The following ZYG11A variants were observed in gnomAD, a reference collection of about 807,000 sequenced individuals.
ZYG11A encodes the protein zyg-11 family member A, cell cycle regulator, also known as protein zyg-11 homolog A.
ZYG11A carries 62 observed loss-of-function variants against 77.2 expected under a neutral mutation model. The observed-to-expected ratio is 0.80, with a 90% CI of 0.65 to 0.99. The LOEUF (loss-of-function observed/expected upper bound fraction) is 0.99. ZYG11A is among the 50% of genes least tolerant of loss of function. The probability of loss-of-function intolerance (pLI) is 0.00; values close to 1 mark genes in which losing one functional copy is unlikely to be tolerated. For missense variants in ZYG11A, 828 were observed against 896.8 expected (o/e 0.92, Z 0.98); for synonymous variants, 315 against 324.6 (o/e 0.97, Z 0.32).
rs1467391150 is a variant in ZYG11A, at chr1:52,870,349, C to T, written c.1542+2572C>T. ...CTCACTTCCTAGACAGGATGGTGGC[C>T]GGGCAGAGACGCTCCTCACTTTCCA... On this transcript the variant is annotated intron_variant, in intron 8 of 13. Transcript: ENST00000371528. 6.6e-5 allele frequency among the ~76,000 whole-genome samples: 10 copies of T among 151,230 alleles called. 1 individual carries two copies. Among genetic ancestry groups the T allele is most frequent in the Admixed American group, 2.6e-4 (4 of 15,186 alleles).
intron 1 of ZYG11A, among the ~76,000 whole-genome samples, chr1:52,851,638 G>A (rs901133644): frequency 6.6e-6 from 1 of 152,004 alleles, no homozygotes; most frequent in Non-Finnish European, 1.5e-5. Context: ...AACCTCAAAT[G>A]ATCAGTCTGC....
At chr1:52,876,596 C>T (rs1174839704) in intron 8 of ZYG11A, among the ~76,000 whole-genome samples, 3 of 152,190 alleles carry the variant, frequency 2.0e-5, no homozygotes, top group African/African-American at 7.2e-5. Context: ...GGCCTGGCCA[C>T]TGTGATACGC....
intron 1 of ZYG11A, among the ~76,000 whole-genome samples, chr1:52,843,837 C>T (rs1645507172): frequency 6.6e-6 from 1 of 152,048 alleles, no homozygotes; most frequent in Non-Finnish European, 1.5e-5. Context: ...CAGGCGCGTG[C>T]CACCATGCCC....
At chr1:52,867,342 T>A (rs954414687) in intron 6 of ZYG11A, among the ~76,000 whole-genome samples, 197 bp from the exon 7 acceptor site, 1 of 152,228 alleles carries the variant, frequency 6.6e-6, no homozygotes, top group African/African-American at 2.4e-5. Context: ...GTATTTTGCT[T>A]ACGTTCTTAT....
At chr1:52,884,080 A>G (rs1409983822) in intron 11 of ZYG11A, among the ~76,000 whole-genome samples, 1 of 151,826 alleles carries the variant, frequency 6.6e-6, no homozygotes, top group African/African-American at 2.4e-5. Context: ...GGGTTTCACC[A>G]TGTTGGTCAG....
At chr1:52,845,077 A>C (rs1258660079) in intron 1 of ZYG11A, among the ~76,000 whole-genome samples, 1 of 152,028 alleles carries the variant, frequency 6.6e-6, no homozygotes, top group Non-Finnish European at 1.5e-5. Context: ...TGAAGCTATT[A>C]GTAAGTTCGT....
Position 52,857,600 on chromosome 1 carries a change from G to A in ZYG11A, c.859G>A (p.Val287Ile). The A allele has an allele frequency of 6.4e-7, 1 of 1,552,026 alleles. No individual in the cohort carries two copies. The highest frequency in any genetic ancestry group is 1.4e-5 in the African/African-American group (1 of 73,162). Residue 287 changes from valine to isoleucine, a missense_variant, in exon 3 of 14, where the codon GTT becomes ATT. By Grantham distance (29) the Val-to-Ile change is conservative. Transcript: ENST00000371528. ...LLQQKDILPN[V>I]VSLDISGGNC... ...ACAGCAGAAGGATATCCTGCCCAAT[G>A]TTGTGTCATTGGATATTTCTGGGGG...
intron 13 of ZYG11A, among the ~76,000 whole-genome samples, chr1:52,890,687 G>C (rs1646530631): frequency 6.6e-6 from 1 of 151,128 alleles, no homozygotes; most frequent in Non-Finnish European, 1.5e-5. Context: ...GCTCACTGCT[G>C]CTTCAACCTG....
intron 4 of ZYG11A, 120 bp downstream of exon 4, chr1:52,860,991 TC>T: frequency 1.0e-6 from 1 of 974,322 alleles, no homozygotes; most frequent in Non-Finnish European, 1.5e-6. Context: ...TCAAGTGCTC[TC>T]ATAGAGCAAA....
In ZYG11A at chr1:52,852,368, A is replaced by T. The variant is rs1345663906; in HGVS notation, c.91-2097A>T. On this transcript the variant is annotated intron_variant, in intron 1 of 13. Coordinates refer to ENST00000371528, the MANE Select transcript of ZYG11A (RefSeq NM_001004339.3). ...GGCCCGACAGTTAATTTTAGAGCAA[A>T]TTTTTTTTTTTTTTTTTTTGAGGTA... Among the ~76,000 whole-genome samples the T allele has an allele frequency of 2.2e-5, 3 of 134,122 alleles. No individual in the cohort carries two copies. In the South Asian group the frequency reaches 7.3e-4, roughly 33 times the overall value. The allele number at this position is 134,122 out of a possible 152,430, so 88.0% of individuals were successfully genotyped here.
intron 8 of ZYG11A, among the ~76,000 whole-genome samples, chr1:52,873,423 A>G (rs929046691): frequency 3.5e-4 from 53 of 152,196 alleles, no homozygotes; most frequent in African/African-American, 1.2e-3. Flanking sequence ...GAGGGGTCCA[A>G]TTCTTTAGTG....
chr1:52,869,968 C>CCCT (rs1357837241), intron 8 of ZYG11A, among the ~76,000 whole-genome samples: 1 of 148,974 alleles, frequency 6.7e-6, no homozygotes, highest in African/African-American at 2.5e-5. Context: ...GGGCTGACCC[C>CCCT]CCCCCACCCC....
intron 1 of ZYG11A, among the ~76,000 whole-genome samples, 186 bp from the exon 2 acceptor site, chr1:52,854,279 G>T (rs771461686): frequency 2.7e-4 from 41 of 152,120 alleles, no homozygotes; most frequent in Non-Finnish European, 7.4e-5. Context: ...AAGGACAACA[G>T]ATTAAATTTT....
Position 52,873,820 on chromosome 1 carries a change from C to G in ZYG11A, c.1543-3862C>G, listed in dbSNP as rs150512689. Among the ~76,000 whole-genome samples, 691 of 152,016 alleles carry G rather than the reference C, an allele frequency of 4.5e-3. 11 individuals carry two copies. The highest frequency in any genetic ancestry group is 0.026 in the East Asian group (133 of 5,144). ...CCAACATGGTGGAACCCCATCTCTA[C>G]TAAAACTACAAAAACTAGCCAGGTG... On this transcript the variant is annotated intron_variant, in intron 8 of 13. Coordinates refer to ENST00000371528, the MANE Select transcript of ZYG11A (RefSeq NM_001004339.3).
At chr1:52,892,142 G>A (rs183369180) in intron 13 of ZYG11A, among the ~76,000 whole-genome samples, 2,531 of 147,282 alleles carry the variant, frequency 0.017, 72 homozygotes, top group African/African-American at 0.061. Flanking sequence ...CTCATGATCC[G>A]CCCGCCTCGG....
At chr1:52,851,729 AATTT>A (rs1183873573) in intron 1 of ZYG11A, among the ~76,000 whole-genome samples, 1 of 150,748 alleles carries the variant, frequency 6.6e-6, no homozygotes, top group African/African-American at 2.4e-5. Flanking sequence ...TATTTTAATT[AATTT>A]ATTTATTTTA....
chr1:52,843,913 C>G (rs1041547567), intron 1 of ZYG11A, among the ~76,000 whole-genome samples: 2 of 152,080 alleles, frequency 1.3e-5, no homozygotes, highest in Non-Finnish European at 2.9e-5. Flanking sequence ...GTTTCGAACT[C>G]CAGACCTCGT....
chr1:52,869,250 T>TTC (rs1447757795), intron 8 of ZYG11A, among the ~76,000 whole-genome samples: 1 of 149,910 alleles, frequency 6.7e-6, no homozygotes, highest in African/African-American at 2.4e-5. Flanking sequence ...GTGATGTTCT[T>TTC]TTTTTTTTTC....
At chr1:52,873,609 T>G (rs911580407) in intron 8 of ZYG11A, among the ~76,000 whole-genome samples, 1 of 152,184 alleles carries the variant, frequency 6.6e-6, no homozygotes, top group African/African-American at 2.4e-5. Context: ...ATTGTTGGAA[T>G]GACAACAAAG....
Sources: allele counts gnomAD v4.1 joint callset (sites outside exome capture counted in the v4.1 genomes callset), GRCh38; gene constraint gnomAD v4.1.1; transcripts MANE v1.5; gene names NCBI Gene and HGNC (gene_info 2026-07-23, HGNC 2026-07-21).